EPHA6: variants seen among roughly 807,000 people sequenced by gnomAD.
EPHA6 encodes the protein EPH receptor A6.
EPHA6 carries 50 observed loss-of-function variants against 112.0 expected under a neutral mutation model. The ratio of observed to expected loss-of-function variants is 0.45; its 90% confidence interval spans 0.36 to 0.56. The LOEUF is 0.56. Among genes scored for constraint, EPHA6 ranks in the 20% least tolerant of loss-of-function variants. The pLI is 0.00. For missense variants in EPHA6, 1,280 were observed against 1,417.4 expected (o/e 0.90, Z 1.56); for synonymous variants, 529 against 490.7 (o/e 1.08, Z -1.03).
chr3:96,893,828 CT>C (rs1223817089), intron 2 of EPHA6, among the ~76,000 whole-genome samples: 2 of 152,200 alleles, frequency 1.3e-5, no homozygotes, highest in Non-Finnish European at 2.9e-5. Flanking sequence ...GCTGAATTTA[CT>C]GCTAGCTCTG....
chr3:97,095,443 A>T (rs1274042937), intron 3 of EPHA6, among the ~76,000 whole-genome samples: 7 of 150,952 alleles, frequency 4.6e-5, no homozygotes, highest in African/African-American at 1.2e-4. Flanking sequence ...TAGAACTTCA[A>T]GTATAATGAT....
intron 3 of EPHA6, among the ~76,000 whole-genome samples, chr3:97,060,958 A>C (rs1163288857): frequency 6.7e-6 from 1 of 148,354 alleles, no homozygotes; most frequent in Non-Finnish European, 1.5e-5. Flanking sequence ...AAAGTCAGCT[A>C]ACACTCAGCC....
intron 1 of EPHA6, among the ~76,000 whole-genome samples, chr3:96,834,309 A>T (rs1465960347): frequency 6.6e-6 from 1 of 152,034 alleles, no homozygotes; most frequent in African/African-American, 2.4e-5. Context: ...TGGTCTGCCC[A>T]TGCCTTTTCT....
intron 3 of EPHA6, among the ~76,000 whole-genome samples, chr3:97,130,306 A>G (rs1249059304): frequency 1.3e-5 from 2 of 151,628 alleles, no homozygotes; most frequent in Non-Finnish European, 2.9e-5. Context: ...TCTAGTTACC[A>G]TCTGTCAAAC....
At chr3:97,215,377 A>G (rs1690666332) in intron 3 of EPHA6, among the ~76,000 whole-genome samples, 3 of 152,210 alleles carry the variant, frequency 2.0e-5, no homozygotes, top group South Asian at 2.1e-4. Flanking sequence ...GTTTCAATCA[A>G]TACTTCAATA....
chr3:97,181,424 A>C (rs115206172), intron 3 of EPHA6, among the ~76,000 whole-genome samples: 2,390 of 151,974 alleles, frequency 0.016, 33 homozygotes, highest in Non-Finnish European at 0.026. Context: ...TGATCACTGG[A>C]ATTTTCTATT....
chr3:97,718,195 C>T (rs556446237), intron 14 of EPHA6, among the ~76,000 whole-genome samples: 1 of 152,304 alleles, frequency 6.6e-6, no homozygotes, highest in East Asian at 1.9e-4. Flanking sequence ...ATATGCAGAG[C>T]CACAAGACTG....
chr3:96,845,191 A>G (rs2034996721), intron 1 of EPHA6, among the ~76,000 whole-genome samples: 1 of 151,932 alleles, frequency 6.6e-6, no homozygotes, highest in Admixed American at 6.6e-5. Flanking sequence ...ATTTTAATGG[A>G]TTTCTTCTCT....
chr3:97,583,962 T>C (rs1414136565), intron 11 of EPHA6, among the ~76,000 whole-genome samples: 1 of 152,192 alleles, frequency 6.6e-6, no homozygotes, highest in Non-Finnish European at 1.5e-5. Flanking sequence ...AAAAGAACTT[T>C]AGAATTTTAA....
chr3:97,761,021 C>G lies in EPHA6; in HGVS notation c.*12320C>G. 1 of 208,376 alleles carries G rather than the reference C, an allele frequency of 4.8e-6. No homozygotes were observed. Among genetic ancestry groups the G allele is most frequent in the East Asian group, 7.2e-5 (1 of 13,824 alleles). The allele number at this position is 208,376 out of a possible 1,614,324, so 12.9% of individuals were successfully genotyped here. A position where few individuals can be genotyped will look rare whatever the true frequency, so the allele number is the denominator to read the frequency against. ...TTAAAGCTTCAATATATGCCTTCCA[C>G]TCAGGTTCCTGACACAGCCTACATT... is the stretch of plus-strand genomic sequence containing the variant. On this transcript the variant is annotated 3_prime_UTR_variant, in exon 18 of 18. Coordinates refer to ENST00000389672, the MANE Select transcript of EPHA6 (RefSeq NM_001080448.3).
intron 3 of EPHA6, among the ~76,000 whole-genome samples, chr3:97,163,144 G>A (rs546336353): frequency 4.2e-4 from 64 of 152,100 alleles, no homozygotes; most frequent in Non-Finnish European, 7.5e-4. Flanking sequence ...TATGTCTTCT[G>A]GACTCTCCCA....
chr3:97,294,086 G>A (rs2080793022), intron 5 of EPHA6, among the ~76,000 whole-genome samples: 1 of 152,256 alleles, frequency 6.6e-6, no homozygotes, highest in Non-Finnish European at 1.5e-5. Flanking sequence ...CCAAGCCTGT[G>A]GGAGCAGGAG....
At chr3:97,012,528 A>G (rs1443055628) in intron 3 of EPHA6, among the ~76,000 whole-genome samples, 1 of 148,042 alleles carries the variant, frequency 6.8e-6, no homozygotes, top group African/African-American at 2.5e-5. Context: ...ATATTCATAT[A>G]TATTTTTATA....
chr3:97,090,964 A>G (rs2047046925), intron 3 of EPHA6, among the ~76,000 whole-genome samples: 1 of 152,148 alleles, frequency 6.6e-6, no homozygotes, highest in Non-Finnish European at 1.5e-5. Context: ...ACACCTGTTT[A>G]CACTAATAAT....
intron 3 of EPHA6, among the ~76,000 whole-genome samples, chr3:97,128,102 C>T (rs1165211247): frequency 2.6e-5 from 4 of 152,114 alleles, no homozygotes; most frequent in African/African-American, 9.7e-5. Flanking sequence ...CAAGTGAGAG[C>T]ATGCAGTATT....
intron 6 of EPHA6, among the ~76,000 whole-genome samples, chr3:97,418,692 A>C (rs774582825): frequency 7.6e-4 from 115 of 152,214 alleles, no homozygotes; most frequent in Admixed American, 1.5e-3. Flanking sequence ...CATAAATAAG[A>C]AGGAAAATGA....
At chr3:97,109,563 C>T (rs976056133) in intron 3 of EPHA6, among the ~76,000 whole-genome samples, 3 of 152,058 alleles carry the variant, frequency 2.0e-5, no homozygotes, top group Non-Finnish European at 2.9e-5. Flanking sequence ...AAAGTGAAGA[C>T]GCTAAGAGCT....
chr3:97,247,384 T>A (rs2079014842), intron 5 of EPHA6, among the ~76,000 whole-genome samples: 1 of 151,930 alleles, frequency 6.6e-6, no homozygotes, highest in South Asian at 2.1e-4. Context: ...GCAGGTAATT[T>A]CACAAATATG....
chr3:97,404,933 A>G (rs1400273432), intron 5 of EPHA6, among the ~76,000 whole-genome samples: 1 of 152,140 alleles, frequency 6.6e-6, no homozygotes, highest in African/African-American at 2.4e-5. Context: ...GGAATATTTG[A>G]GTTTTTCCTG....
Sources: allele counts gnomAD v4.1 joint callset (sites outside exome capture counted in the v4.1 genomes callset), GRCh38; gene constraint gnomAD v4.1.1; transcripts MANE v1.5; gene names NCBI Gene and HGNC (gene_info 2026-07-23, HGNC 2026-07-21).